The following RIN2 variants were observed in gnomAD, a reference collection of about 807,000 sequenced individuals.
RIN2 encodes Ras and Rab interactor 2.
In RIN2, 36 loss-of-function variants were observed where a neutral mutation model predicts 78.0. The ratio of observed to expected loss-of-function variants is 0.46; its 90% confidence interval spans 0.35 to 0.61. The LOEUF is 0.61. Ranked by LOEUF, RIN2 falls within the 20% of genes least tolerant of loss-of-function variation. RIN2 has a pLI of 0.00. For missense variants in RIN2, 1,087 were observed against 1,159.7 expected (o/e 0.94, Z 0.91); for synonymous variants, 466 against 466.8 (o/e 1.00, Z 0.02).
At chr20:19,859,988 C>A (rs1183088343) in intron 2 of RIN2, among the ~76,000 whole-genome samples, 1 of 152,220 alleles carries the variant, frequency 6.6e-6, no homozygotes, top group African/African-American at 2.4e-5. Context: ...CCCCTGTGGA[C>A]AACTGGAACT....
At chr20:19,964,500 C>T (rs1281455598) in intron 6 of RIN2, among the ~76,000 whole-genome samples, 1 of 152,134 alleles carries the variant, frequency 6.6e-6, no homozygotes, top group East Asian at 1.9e-4. Context: ...CTCCCGTGTG[C>T]TTTTATCACA....
intron 1 of RIN2, among the ~76,000 whole-genome samples, chr20:19,784,242 G>T (rs1043873336): frequency 6.6e-5 from 10 of 152,208 alleles, no homozygotes; most frequent in African/African-American, 2.4e-4. Context: ...AAGTTTGCTT[G>T]TTTTGGTGAT....
At chr20:19,994,508 T>C (rs968679613) in intron 11 of RIN2, among the ~76,000 whole-genome samples, 2 of 152,224 alleles carry the variant, frequency 1.3e-5, no homozygotes, top group Admixed American at 1.3e-4. Flanking sequence ...AAACCTTCTC[T>C]AATTGCATCC....
At chr20:19,775,115 A>G (rs1441622212) in intron 1 of RIN2, among the ~76,000 whole-genome samples, 3 of 152,232 alleles carry the variant, frequency 2.0e-5, no homozygotes, top group Non-Finnish European at 2.9e-5. Flanking sequence ...GGTGTTAAAT[A>G]TCTGGGAGTC....
chr20:19,972,530 A>G (rs866550049), intron 8 of RIN2, among the ~76,000 whole-genome samples: 7 of 152,356 alleles, frequency 4.6e-5, no homozygotes, highest in South Asian at 2.1e-4. Context: ...GCGTAGAGAT[A>G]GAATATTTTA....
intron 2 of RIN2, among the ~76,000 whole-genome samples, chr20:19,869,236 C>G (rs68094650): frequency 6.6e-6 from 1 of 152,076 alleles, no homozygotes; most frequent in South Asian, 2.1e-4. Flanking sequence ...TTGATGAAGA[C>G]CATATACGCT....
intron 1 of RIN2, among the ~76,000 whole-genome samples, chr20:19,788,440 A>AAAAAAAAAACAAAAAAAAAAC (rs2034769614): frequency 9.1e-6 from 1 of 110,158 alleles, no homozygotes; most frequent in Non-Finnish European, 1.8e-5. Context: ...GCCAAAAAAA[A>AAAAAAAAAACAAAAAAAAAAC]AAAAAAAAAC....
chr20:19,867,622 G>A (rs1336671035), intron 2 of RIN2, among the ~76,000 whole-genome samples: 1 of 152,300 alleles, frequency 6.6e-6, no homozygotes, highest in East Asian at 1.9e-4. Context: ...CCTCACAGTA[G>A]ATTCATGTTT....
chr20:19,887,538 C>A (rs1455465188), intron 2 of RIN2, among the ~76,000 whole-genome samples: 1 of 152,096 alleles, frequency 6.6e-6, no homozygotes, highest in Admixed American at 6.6e-5. Context: ...GATCTGCCTG[C>A]CCTGAGCAGA....
chr20:19,942,478 AGTAAAACGT>A, intron 4 of RIN2, among the ~76,000 whole-genome samples: 1 of 152,210 alleles, frequency 6.6e-6, no homozygotes, highest in Non-Finnish European at 1.5e-5. Context: ...GATAGCCAAA[AGTAAAACGT>A]GTACATGGTG....
intron 2 of RIN2, among the ~76,000 whole-genome samples, chr20:19,809,958 G>A (rs16981148): frequency 0.073 from 11,064 of 152,096 alleles, 438 homozygotes; most frequent in South Asian, 0.1. Context: ...TGGCCGCTGC[G>A]ACCACTGAGA....
At chr20:19,844,647 T>TC (rs754112704) in intron 2 of RIN2, among the ~76,000 whole-genome samples, 17 of 108,994 alleles carry the variant, frequency 1.6e-4, no homozygotes, top group African/African-American at 5.1e-4. Context: ...TTCTTCTTCT[T>TC]CTTCTTCTTC....
chr20:19,995,275 AAAAC>A (rs1431487285), intron 11 of RIN2, among the ~76,000 whole-genome samples: 1 of 150,126 alleles, frequency 6.7e-6, no homozygotes, highest in Admixed American at 6.6e-5. Context: ...AAAAAAAAAA[AAAAC>A]AAAACACATT....
chr20:19,841,123 T>A (rs2036563972), intron 2 of RIN2, among the ~76,000 whole-genome samples: 1 of 151,950 alleles, frequency 6.6e-6, no homozygotes, highest in African/African-American at 2.4e-5. Context: ...AGAGTGAGAG[T>A]GAGAGTGGCT....
intron 2 of RIN2, among the ~76,000 whole-genome samples, chr20:19,870,828 T>C (rs1483443380): frequency 2.6e-5 from 4 of 152,324 alleles, no homozygotes; most frequent in East Asian, 1.9e-4. Flanking sequence ...CTCTAACTGA[T>C]GCTGTGTTCT....
At chr20:19,886,783 A>T in intron 2 of RIN2, 3 of 1,520,580 alleles carry the variant, frequency 2.0e-6, no homozygotes, top group Non-Finnish European at 2.7e-6. Context: ...AAACTACGGT[A>T]CCCTTTTTGT....
At chr20:19,807,478 A>G (rs768097718) in intron 2 of RIN2, among the ~76,000 whole-genome samples, 14 of 151,912 alleles carry the variant, frequency 9.2e-5, no homozygotes, top group Non-Finnish European at 1.9e-4. Flanking sequence ...TGCACACCCT[A>G]AGGCTCCAGG....
chr20:19,930,748 G>GT (rs1361306134), intron 3 of RIN2, among the ~76,000 whole-genome samples: 1 of 152,102 alleles, frequency 6.6e-6, no homozygotes, highest in Non-Finnish European at 1.5e-5. Context: ...TTCAGCAGAC[G>GT]TACCCAAACT....
In RIN2 at chr20:20,001,637, C is replaced by T. The variant is rs1379539544; in HGVS notation, c.*701C>T. 1 of 152,558 alleles carries T rather than the reference C, an allele frequency of 6.6e-6. No homozygotes were observed. Among genetic ancestry groups the T allele is most frequent in the African/African-American group, 2.4e-5 (1 of 41,430 alleles). The allele number at this position is 152,558 out of a possible 1,614,324, so 9.5% of individuals were successfully genotyped here. ...GGAGAGACTGCTGGATTTCTTAAAG[C>T]AACGTATTCCTGACACTGGCCACAG... On this transcript the variant is annotated 3_prime_UTR_variant, in exon 13 of 13. Transcript: ENST00000255006.
Sources: allele counts gnomAD v4.1 joint callset (sites outside exome capture counted in the v4.1 genomes callset), GRCh38; gene constraint gnomAD v4.1.1; transcripts MANE v1.5; gene names NCBI Gene and HGNC (gene_info 2026-07-23, HGNC 2026-07-21).